The following C11orf65 variants were observed in gnomAD, a reference collection of about 807,000 sequenced individuals.
C11orf65 encodes protein MFI.
C11orf65 carries 38 observed loss-of-function variants against 35.3 expected under a neutral mutation model. The ratio of observed to expected loss-of-function variants is 1.08; its 90% confidence interval spans 0.83 to 1.41. The LOEUF (loss-of-function observed/expected upper bound fraction) is 1.41. Ranked by LOEUF, C11orf65 falls within the 40% of genes most tolerant of loss-of-function variation. The probability of loss-of-function intolerance (pLI) is 0.00; values close to 1 mark genes in which losing one functional copy is unlikely to be tolerated. For missense variants in C11orf65, 370 were observed against 367.1 expected, an observed-to-expected ratio of 1.01 and a Z score of -0.06; for synonymous variants, 105 against 114.4, an observed-to-expected ratio of 0.92 and a Z score of 0.53.
downstream of C11orf65, among the ~76,000 whole-genome samples, chr11:108,326,428 A>G (rs1193263596): frequency 6.6e-6 from 1 of 152,220 alleles, no homozygotes; most frequent in Admixed American, 6.5e-5. Context: ...CTATCAGTCC[A>G]TCATGTGGTC....
Position 108,430,356 on chromosome 11 carries a change from G to T in C11orf65, c.174+1390C>A, listed in dbSNP as rs190973328. Among the ~76,000 whole-genome samples the T allele has an allele frequency of 2.6e-3, 394 of 148,974 alleles. 1 individual carries two copies. Among genetic ancestry groups the T allele is most frequent in the African/African-American group, 9.5e-3 (383 of 40,496 alleles). ...GGGTTTCGCCATGTTAGCCAGGGTG[G>T]TCTCGATCTCCTGACCTCGTGATCC... On this transcript the variant is annotated intron_variant, in intron 3 of 8. Transcript: ENST00000393084.
chr11:108,385,790 G>T (rs1441686711), intron 8 of C11orf65, 130 bp downstream of exon 8: 2 of 703,734 alleles, frequency 2.8e-6, no homozygotes, highest in Non-Finnish European at 4.9e-6. Flanking sequence ...AGGTAAAAAT[G>T]ACTTGACAAA....
At chr11:108,428,944 T>A (rs2092947241) in intron 3 of C11orf65, among the ~76,000 whole-genome samples, 1 of 152,062 alleles carries the variant, frequency 6.6e-6, no homozygotes, top group Non-Finnish European at 1.5e-5. Flanking sequence ...CCCAGGAGTT[T>A]GAGACGAGCC....
upstream of C11orf65, among the ~76,000 whole-genome samples, chr11:108,468,738 A>G (rs1433789055): frequency 6.6e-6 from 1 of 152,194 alleles, no homozygotes; most frequent in African/African-American, 2.4e-5. Context: ...TATGAACAAT[A>G]AACTGTAAAA....
At chr11:108,412,649 T>G (rs541375580) in intron 3 of C11orf65, among the ~76,000 whole-genome samples, 2 of 152,112 alleles carry the variant, frequency 1.3e-5, no homozygotes, top group African/African-American at 2.4e-5. Context: ...GGCGGGAGGA[T>G]CACTTGAGCC....
intron 2 of C11orf65, chr11:108,368,552 A>AT (rs1368568788): frequency 4.6e-6 from 1 of 217,348 alleles, no homozygotes; most frequent in African/African-American, 2.2e-5. Context: ...ATAGTAAATT[A>AT]TAAGTACAAG....
intron 2 of C11orf65, among the ~76,000 whole-genome samples, chr11:108,363,572 A>C (rs1466231531): frequency 6.6e-6 from 1 of 152,150 alleles, no homozygotes; most frequent in African/African-American, 2.4e-5. Context: ...ATTGGCATCT[A>C]CTGGGTAGAG....
chr11:108,312,293 T>G (rs2084231859), intron 6 of C11orf65: 2 of 757,950 alleles, frequency 2.6e-6, no homozygotes, highest in South Asian at 1.5e-5. Context: ...TATAAGTGAT[T>G]TATTCTGTTT....
At chr11:108,445,802 C>T (rs1036811919) in intron 2 of C11orf65, among the ~76,000 whole-genome samples, 57 of 151,264 alleles carry the variant, frequency 3.8e-4, no homozygotes, top group African/African-American at 1.4e-3. Flanking sequence ...GAGAAGAAGG[C>T]TTCAGACGAT....
At chr11:108,327,769 T>C, downstream of C11orf65, 1 of 1,589,490 alleles carries the variant, frequency 6.3e-7, no homozygotes, top group South Asian at 1.1e-5. Flanking sequence ...GTAAGATTTT[T>C]GGAGCAACCC....
chr11:108,433,537 G>A (rs563053901), intron 2 of C11orf65, among the ~76,000 whole-genome samples: 5 of 152,132 alleles, frequency 3.3e-5, no homozygotes, highest in East Asian at 1.9e-4. Flanking sequence ...CAGAGATCAC[G>A]CCACTGCACT....
At chr11:108,436,107 G>A (rs1191784514) in intron 2 of C11orf65, among the ~76,000 whole-genome samples, 2 of 149,748 alleles carry the variant, frequency 1.3e-5, no homozygotes, top group East Asian at 2.0e-4. Flanking sequence ...AAGGATTTTA[G>A]GAGGAAAAAA....
chr11:108,377,835 T>C (rs955640907), downstream of C11orf65, among the ~76,000 whole-genome samples: 17 of 151,386 alleles, frequency 1.1e-4, no homozygotes, highest in South Asian at 2.5e-3. Context: ...TATACACCAA[T>C]AACAGACAAA....
rs664982 is a variant in C11orf65, at chr11:108,354,756, C to T, written c.227-19464G>A. The T allele has an allele frequency of 0.56, 797,745 of 1,417,564 alleles. 227,018 individuals carry two copies. Among genetic ancestry groups the T allele is most frequent in the Middle Eastern group, 0.72 (4,115 of 5,682 alleles). The allele number at this position is 1,417,564 out of a possible 1,614,324, so 87.8% of individuals were successfully genotyped here. A position where few individuals can be genotyped will look rare whatever the true frequency, so the allele number is the denominator to read the frequency against. The stretch of plus-strand genomic sequence containing the variant: ...ACATGAGAGTATACAGATAAAGATA[C>T]GTTGACAACATTGGTGTGTAACAAA... On this transcript the variant is annotated intron_variant, in intron 2 of 3. Transcript: ENST00000524755.
intron 7 of C11orf65, among the ~76,000 whole-genome samples, chr11:108,387,134 T>C (rs2092025475): frequency 6.9e-6 from 1 of 145,864 alleles, no homozygotes; most frequent in Non-Finnish European, 1.5e-5. Context: ...GATTTTCTTT[T>C]CTTTTCTTTC....
At chr11:108,465,494 G>A (rs1336368275) in intron 1 of C11orf65, among the ~76,000 whole-genome samples, 1 of 152,196 alleles carries the variant, frequency 6.6e-6, no homozygotes, top group Non-Finnish European at 1.5e-5. Context: ...AGGAAAAAAA[G>A]GGAGATTTGG....
chr11:108,314,942 A>T (rs2084490711), intron 6 of C11orf65, among the ~76,000 whole-genome samples: 1 of 152,186 alleles, frequency 6.6e-6, no homozygotes, highest in Non-Finnish European at 1.5e-5. Context: ...CTGCTGGTTG[A>T]TATGTACTTT....
intron 2 of C11orf65, among the ~76,000 whole-genome samples, chr11:108,374,024 A>G (rs551576009): frequency 6.6e-6 from 1 of 152,230 alleles, no homozygotes; most frequent in African/African-American, 2.4e-5. Context: ...GCAGCCGGGA[A>G]GCTCCAACTG....
chr11:108,358,603 G>C (rs1365095967), intron 2 of C11orf65, among the ~76,000 whole-genome samples: 1 of 129,388 alleles, frequency 7.7e-6, no homozygotes, highest in African/African-American at 2.9e-5. Context: ...TCTCTCGGCA[G>C]AAACCCTACA....
Sources: gnomAD v4.1 joint callset for allele counts (sites outside exome capture counted in the v4.1 genomes callset) on GRCh38, gnomAD v4.1.1 for gene constraint, MANE v1.5 for transcripts, NCBI Gene and HGNC (gene_info 2026-07-23, HGNC 2026-07-21) for gene names.